The following ADAMTSL1 variants were observed in gnomAD, a reference collection of about 807,000 sequenced individuals.
ADAMTSL1 encodes the protein ADAMTS-like protein 1.
Under a neutral mutation model 201.8 loss-of-function variants are expected in ADAMTSL1, and 126 were observed. The ratio of observed to expected loss-of-function variants is 0.62; its 90% confidence interval spans 0.54 to 0.72. ADAMTSL1 has a LOEUF of 0.72. ADAMTSL1 is among the 30% of genes least tolerant of loss of function. ADAMTSL1 has a pLI of 0.00. For missense variants in ADAMTSL1, 2,679 were observed against 2,277.8 expected, an observed-to-expected ratio of 1.18 and a Z score of -3.59; for synonymous variants, 1,121 against 903.4, an observed-to-expected ratio of 1.24 and a Z score of -4.32.
At chr9:18,239,414 A>G (rs1360718586) in intron 2 of ADAMTSL1, among the ~76,000 whole-genome samples, 2 of 152,168 alleles carry the variant, frequency 1.3e-5, no homozygotes, top group African/African-American at 4.8e-5. Flanking sequence ...ACTTCACAGC[A>G]TCTTCACCAG....
In ADAMTSL1 at chr9:17,948,585, G is replaced by A. The variant is rs117356304; in HGVS notation, c.87+41663G>A. ...GATAGAAAAGTATCTAGGAAACAGC[G>A]TCAGATGAATACTAGTTTCTAGATT... On this transcript the variant is annotated intron_variant, in intron 1 of 29. Transcript: ENST00000680146. Among the ~76,000 whole-genome samples, 1,342 of 152,268 alleles carry A rather than the reference G, an allele frequency of 8.8e-3. 14 individuals are homozygous for A. Among genetic ancestry groups the A allele is most frequent in the Non-Finnish European group, 0.013 (851 of 68,026 alleles).
intron 1 of ADAMTSL1, among the ~76,000 whole-genome samples, chr9:18,011,175 C>T (rs1820037073): frequency 6.6e-6 from 1 of 151,880 alleles, no homozygotes; most frequent in Non-Finnish European, 1.5e-5. Context: ...GATCTTGAGA[C>T]AAAAGAGGTA....
intron 7 of ADAMTSL1, among the ~76,000 whole-genome samples, chr9:18,643,929 A>C (rs1436148675): frequency 6.6e-6 from 1 of 151,864 alleles, no homozygotes; most frequent in Non-Finnish European, 1.5e-5. Flanking sequence ...TGTCATTGGA[A>C]TTTTGATGGA....
chr9:18,157,707 A>G (rs1827216473), intron 1 of ADAMTSL1, among the ~76,000 whole-genome samples: 1 of 152,026 alleles, frequency 6.6e-6, no homozygotes, highest in African/African-American at 2.4e-5. Context: ...AGAATACTGA[A>G]ATGTTTTTAA....
chr9:18,478,707 C>G (rs772692729), intron 1 of ADAMTSL1, among the ~76,000 whole-genome samples: 1 of 152,172 alleles, frequency 6.6e-6, no homozygotes, highest in Non-Finnish European at 1.5e-5. Context: ...GAAGTGACCT[C>G]TTCGTAGCAT....
intron 1 of ADAMTSL1, among the ~76,000 whole-genome samples, chr9:18,097,231 T>C (rs1824291197): frequency 6.6e-6 from 1 of 152,256 alleles, no homozygotes; most frequent in Non-Finnish European, 1.5e-5. Context: ...GATAACATTT[T>C]TGAATGTTGT....
chr9:18,622,360 G>A lies in ADAMTSL1; in HGVS notation c.592G>A (p.Ala198Thr), dbSNP rs200455820. 32 of 1,613,852 alleles carry A rather than the reference G, an allele frequency of 2.0e-5. No homozygotes were observed. Among genetic ancestry groups the A allele is most frequent in the Admixed American group, 1.0e-4 (6 of 59,980 alleles). ...VRGQYKSQLS[A>T]TKSDDTVVAI... ...AGGGCAGTATAAATCCCAGCTCTCC[G>A]CAACCAAATGTAAGACACACAGAGA... is the stretch of plus-strand genomic sequence containing the variant. Residue 198 changes from alanine (A) to threonine (T), a missense_variant, in exon 5 of 29, where the codon GCA (alanine) becomes ACA (threonine). Coordinates refer to ENST00000380548, the MANE Select transcript of ADAMTSL1 (RefSeq NM_001040272.6).
At chr9:17,907,522 G>A (rs1330695790) in intron 1 of ADAMTSL1, among the ~76,000 whole-genome samples, 1 of 152,168 alleles carries the variant, frequency 6.6e-6, no homozygotes, top group Non-Finnish European at 1.5e-5. Flanking sequence ...GTGGGTGCCC[G>A]AGGATTGGCC....
chr9:18,127,481 AACACACACACACAC>A (rs112886805), intron 1 of ADAMTSL1, among the ~76,000 whole-genome samples: 10 of 146,132 alleles, frequency 6.8e-5, no homozygotes, highest in Non-Finnish European at 1.2e-4. Flanking sequence ...GCACATACAC[AACACACACACACAC>A]ACACACACAC....
At chr9:18,611,578 A>G (rs572090806) in intron 4 of ADAMTSL1, among the ~76,000 whole-genome samples, 111 of 152,336 alleles carry the variant, frequency 7.3e-4, no homozygotes, top group Non-Finnish European at 1.4e-3. Context: ...CGAGAACACA[A>G]TAAATCAGAC....
At chr9:17,936,113 G>C (rs1374202534) in intron 1 of ADAMTSL1, among the ~76,000 whole-genome samples, 2 of 152,088 alleles carry the variant, frequency 1.3e-5, no homozygotes, top group East Asian at 1.9e-4. Flanking sequence ...ATCTTCATTT[G>C]CTCTCATTTC....
intron 1 of ADAMTSL1, among the ~76,000 whole-genome samples, chr9:17,977,140 A>G (rs183463804): frequency 9.9e-5 from 15 of 152,106 alleles, no homozygotes; most frequent in African/African-American, 3.4e-4. Context: ...TGGTTTGTGT[A>G]TGTTAAAATA....
intron 23 of ADAMTSL1, among the ~76,000 whole-genome samples, chr9:18,864,970 A>AT (rs1415429240): frequency 6.7e-6 from 1 of 150,030 alleles, no homozygotes; most frequent in Non-Finnish European, 1.5e-5. Context: ...GGTGTTTAAG[A>AT]TTAAAAAAAA....
At chr9:18,766,265 A>G (rs980866787) in intron 16 of ADAMTSL1, among the ~76,000 whole-genome samples, 4 of 152,234 alleles carry the variant, frequency 2.6e-5, no homozygotes, top group African/African-American at 9.6e-5. Context: ...CCACCAGGGC[A>G]GGAACCAGAA....
At chr9:18,468,263 A>C (rs1044585596) in intron 2 of ADAMTSL1, among the ~76,000 whole-genome samples, 9 of 152,182 alleles carry the variant, frequency 5.9e-5, no homozygotes, top group African/African-American at 1.9e-4. Flanking sequence ...GTTTGAGGGT[A>C]CTGAACAAGT....
intron 3 of ADAMTSL1, among the ~76,000 whole-genome samples, chr9:18,557,582 T>C (rs1821180015): frequency 6.6e-6 from 1 of 152,024 alleles, no homozygotes; most frequent in Non-Finnish European, 1.5e-5. Flanking sequence ...TACACCATGT[T>C]GTCAGGATTC....
intron 2 of ADAMTSL1, among the ~76,000 whole-genome samples, chr9:18,350,371 C>A (rs1835914239): frequency 6.6e-6 from 1 of 151,968 alleles, no homozygotes; most frequent in African/African-American, 2.4e-5. Context: ...GGAATTTGGG[C>A]CCAATGTAAA....
intron 1 of ADAMTSL1, among the ~76,000 whole-genome samples, chr9:18,076,958 A>T (rs1421174831): frequency 2.6e-5 from 4 of 152,268 alleles, no homozygotes; most frequent in African/African-American, 9.6e-5. Flanking sequence ...TTGGAATTAC[A>T]CGCTGTTAGA....
intron 1 of ADAMTSL1, among the ~76,000 whole-genome samples, chr9:18,034,256 A>G (rs1821098200): frequency 6.6e-6 from 1 of 151,990 alleles, no homozygotes; most frequent in Non-Finnish European, 1.5e-5. Flanking sequence ...CTTGTCCATC[A>G]TTTCCTGGGC....
Sources: allele counts gnomAD v4.1 joint callset (sites outside exome capture counted in the v4.1 genomes callset), GRCh38; gene constraint gnomAD v4.1.1; transcripts MANE v1.5; gene names NCBI Gene and HGNC (gene_info 2026-07-23, HGNC 2026-07-21).